CCDC171: variants seen among roughly 807,000 people sequenced by gnomAD.
CCDC171 encodes the protein coiled-coil domain-containing protein 171.
A neutral mutation model predicts 168.2 loss-of-function variants in CCDC171; 177 were observed. The observed-to-expected ratio is 1.05, with a 90% CI of 0.93 to 1.19. The LOEUF (loss-of-function observed/expected upper bound fraction) is 1.19, where lower values mean the gene tolerates loss of function less well. CCDC171 is among the 50% of genes most tolerant of loss of function. The pLI is 0.00. For synonymous variants in CCDC171, 687 were observed against 540.8 expected (o/e 1.27, Z -3.75); for missense variants, 1,991 against 1,539.0 (o/e 1.29, Z -4.91).
intron 25 of CCDC171, among the ~76,000 whole-genome samples, chr9:15,949,520 C>A (rs1828857772): frequency 6.6e-6 from 1 of 152,128 alleles, no homozygotes; most frequent in South Asian, 2.1e-4. Flanking sequence ...TGTACTTCTC[C>A]TTGAAGAGGT....
At chr9:16,007,129 TG>T (rs1232886034) in intron 3 of CCDC171, among the ~76,000 whole-genome samples, 1 of 152,230 alleles carries the variant, frequency 6.6e-6, no homozygotes, top group East Asian at 1.9e-4. Flanking sequence ...CCTTTCTAAC[TG>T]CTATGAGATG....
intron 24 of CCDC171, among the ~76,000 whole-genome samples, chr9:15,877,608 T>G (rs912020491): frequency 1.2e-4 from 18 of 152,116 alleles, no homozygotes; most frequent in Non-Finnish European, 2.4e-4. Flanking sequence ...CTGCAGCAAA[T>G]TTAAACCTAT....
chr9:16,062,066 C>G (rs1833938529), downstream of CCDC171, among the ~76,000 whole-genome samples: 1 of 152,174 alleles, frequency 6.6e-6, no homozygotes, highest in Non-Finnish European at 1.5e-5. Flanking sequence ...TCCACTCTTG[C>G]AAGCCAATCA....
At chr9:15,982,514 A>G (rs999496044) in intron 3 of CCDC171, among the ~76,000 whole-genome samples, 1 of 152,130 alleles carries the variant, frequency 6.6e-6, no homozygotes. Flanking sequence ...ACTCCAAATT[A>G]CTGGAAGGAA....
chr9:15,569,498 G>C (rs2040025627), intron 2 of CCDC171, among the ~76,000 whole-genome samples: 2 of 151,998 alleles, frequency 1.3e-5, no homozygotes, highest in Non-Finnish European at 2.9e-5. Context: ...TGAACTTCTT[G>C]GACAGTCTTC....
intron 21 of CCDC171, among the ~76,000 whole-genome samples, chr9:15,823,044 A>T (rs533870188): frequency 4.6e-5 from 7 of 152,306 alleles, no homozygotes; most frequent in African/African-American, 1.7e-4. Flanking sequence ...AGGGACATGG[A>T]TGAAGCTGGA....
chr9:15,719,445 A>AGAGAGAGAGC (rs1554776019), intron 11 of CCDC171, among the ~76,000 whole-genome samples: 13 of 62,432 alleles, frequency 2.1e-4, no homozygotes, highest in African/African-American at 9.1e-4. Flanking sequence ...AGAGAGAGAG[A>AGAGAGAGAGC]GAAAGTTTAT....
chr9:15,650,958 C>G (rs544689270), intron 7 of CCDC171, among the ~76,000 whole-genome samples: 1 of 152,028 alleles, frequency 6.6e-6, no homozygotes, highest in Non-Finnish European at 1.5e-5. Context: ...GGACTTATTC[C>G]TTCTAACTGT....
intron 18 of CCDC171, among the ~76,000 whole-genome samples, chr9:15,757,447 CA>C (rs1271829884): frequency 6.6e-6 from 1 of 152,090 alleles, no homozygotes; most frequent in Non-Finnish European, 1.5e-5. Context: ...TTCTAAGCAG[CA>C]AAAGAGGTGA....
chr9:15,892,099 C>T (rs1820290852), intron 24 of CCDC171, among the ~76,000 whole-genome samples: 1 of 152,140 alleles, frequency 6.6e-6, no homozygotes, highest in Non-Finnish European at 1.5e-5. Context: ...TGTTTTATTT[C>T]CCCAACTTGA....
At chr9:15,825,144 C>G (rs768587780) in intron 21 of CCDC171, among the ~76,000 whole-genome samples, 4 of 152,014 alleles carry the variant, frequency 2.6e-5, no homozygotes, top group Non-Finnish European at 5.9e-5. Context: ...GAATATTTTT[C>G]TAGTTTACAC....
chr9:15,902,697 G>A (rs1039709548), intron 24 of CCDC171, among the ~76,000 whole-genome samples: 1 of 152,216 alleles, frequency 6.6e-6, no homozygotes, highest in African/African-American at 2.4e-5. Flanking sequence ...AGGACAGTGG[G>A]TGCAGCGCAC....
At position 15,571,712 on chromosome 9, in the gene CCDC171, TG is replaced by T; in HGVS notation, c.133del (p.Ala45LeufsTer6). 4 of 1,590,650 alleles carry T rather than the reference TG, an allele frequency of 2.5e-6. No individual in the cohort carries two copies. The highest frequency in any genetic ancestry group is 3.4e-6 in the Non-Finnish European group (4 of 1,173,916). On this transcript the variant is annotated frameshift_variant, in exon 3 of 26. Coordinates refer to ENST00000380701, the MANE Select transcript of CCDC171 (RefSeq NM_173550.4). LOFTEE classifies it high-confidence loss of function. ...ITDNLRKKLH[W>X]AKKEKLEITT... The stretch of plus-strand genomic sequence containing the variant: ...TGATAATCTCAGGAAGAAACTCCAT[TG>T]GGCTAAAAAAGAAAAGTTAGAAATA...
chr9:15,599,982 A>G (rs1289649806), intron 6 of CCDC171, among the ~76,000 whole-genome samples: 3 of 151,818 alleles, frequency 2.0e-5, no homozygotes, highest in African/African-American at 7.3e-5. Flanking sequence ...TTCTCTTGCC[A>G]TGGTTTTCAG....
intron 3 of CCDC171, among the ~76,000 whole-genome samples, chr9:16,010,937 T>C (rs1832852983): frequency 6.6e-6 from 1 of 152,128 alleles, no homozygotes; most frequent in South Asian, 2.1e-4. Context: ...TGGTAGAGCC[T>C]GATTCGCTCC....
chr9:15,978,752 C>T (rs866948804), downstream of CCDC171, among the ~76,000 whole-genome samples: 2 of 152,110 alleles, frequency 1.3e-5, no homozygotes, highest in Non-Finnish European at 2.9e-5. Flanking sequence ...ATATAGTTCA[C>T]GTAACATACA....
At chr9:15,911,980 G>T (rs529491865) in intron 24 of CCDC171, among the ~76,000 whole-genome samples, 1 of 152,096 alleles carries the variant, frequency 6.6e-6, no homozygotes, top group Non-Finnish European at 1.5e-5. Context: ...GTCAGGTCGT[G>T]TGATCCCTCC....
intron 25 of CCDC171, among the ~76,000 whole-genome samples, chr9:15,943,489 T>G (rs190767184): frequency 7.2e-4 from 109 of 152,090 alleles, no homozygotes; most frequent in African/African-American, 2.4e-3. Flanking sequence ...GAATTAATAC[T>G]TGTATATTTA....
the CCDC171 span, among the ~76,000 whole-genome samples, chr9:16,090,272 G>T: frequency 1.3e-5 from 2 of 152,154 alleles, no homozygotes; most frequent in Non-Finnish European, 2.9e-5. Context: ...CCTTTGCAGG[G>T]ACATAAATGA....
Sources: gnomAD v4.1 joint callset for allele counts (sites outside exome capture counted in the v4.1 genomes callset) on GRCh38, gnomAD v4.1.1 for gene constraint, MANE v1.5 for transcripts, NCBI Gene and HGNC (gene_info 2026-07-23, HGNC 2026-07-21) for gene names.